CADPS: variants seen among roughly 807,000 people sequenced by gnomAD.
CADPS encodes the protein calcium-dependent secretion activator 1.
Under a neutral mutation model 167.3 loss-of-function variants are expected in CADPS, and 57 were observed. The ratio of observed to expected loss-of-function variants is 0.34; its 90% CI spans 0.28 to 0.42. The LOEUF (loss-of-function observed/expected upper bound fraction) is 0.42. Ranked by LOEUF, CADPS falls within the 20% of genes least tolerant of loss-of-function variation. The pLI, the probability that CADPS is intolerant of heterozygous loss-of-function variation, is 1.00. For missense variants in CADPS, 1,414 were observed against 1,738.1 expected (o/e 0.81, Z 3.32); for synonymous variants, 676 against 635.3 (o/e 1.06, Z -0.96).
rs774402470 is a variant in CADPS at position 62,492,438 on chromosome 3, C to A, written c.2736G>T (p.Ala912=). Residue 912 remains alanine, a synonymous_variant, in exon 20 of 30, where the codon GCG becomes GCT. Transcript: ENST00000383710. ...EPHVDKGEAF[A]WWSDLMVEHA... ...GCTCCACCATTAAATCTGACCACCA[C>A]GCAAAGGCCTTTAAAATTTGGCAGA... 5.0e-6 allele frequency: 8 copies of A among 1,612,690 alleles called. No homozygotes were observed. Among genetic ancestry groups the A allele is most frequent in the Non-Finnish European group, 6.8e-6 (8 of 1,179,236 alleles).
At chr3:62,402,529 A>G (rs1032742115) in intron 29 of CADPS, among the ~76,000 whole-genome samples, 9 of 152,220 alleles carry the variant, frequency 5.9e-5, no homozygotes, top group Non-Finnish European at 1.3e-4. Context: ...AGAACAAGGG[A>G]AAAAGCTACT....
chr3:62,810,139 T>G (rs2152860472), intron 1 of CADPS, among the ~76,000 whole-genome samples: 1 of 152,234 alleles, frequency 6.6e-6, no homozygotes, highest in South Asian at 2.1e-4. Context: ...GAAATGACCT[T>G]CCCTAAGATC....
chr3:62,683,498 A>C (rs1047442253), intron 3 of CADPS, among the ~76,000 whole-genome samples: 2 of 152,206 alleles, frequency 1.3e-5, no homozygotes, highest in Admixed American at 6.5e-5. Flanking sequence ...AAAAGTAGCA[A>C]AGATAGTACA....
chr3:62,524,937 A>C lies in CADPS; in HGVS notation c.2292-6687T>G, dbSNP rs201969544. On this transcript the variant is annotated intron_variant, in intron 13 of 29. Coordinates refer to ENST00000383710, the MANE Select transcript of CADPS (RefSeq NM_003716.4). ...TCTTTATTTCTAGACAAATACAGAC[A>C]ACTAATCTTTAGATTCCTTTCTGAA... Among the ~76,000 whole-genome samples, 17 of 152,320 alleles carry C rather than the reference A, an allele frequency of 1.1e-4. No individual in the cohort carries two copies. The East Asian group carries it at 1.3e-3, about 12-fold the overall frequency.
chr3:62,529,819 C>T (rs952352289), intron 13 of CADPS, among the ~76,000 whole-genome samples: 10 of 152,124 alleles, frequency 6.6e-5, no homozygotes, highest in Non-Finnish European at 8.8e-5. Flanking sequence ...ACAGCATACA[C>T]GCTTGAGAAT....
intron 1 of CADPS, among the ~76,000 whole-genome samples, chr3:62,871,776 A>G (rs1015773718): frequency 2.0e-5 from 3 of 152,206 alleles, no homozygotes; most frequent in African/African-American, 4.8e-5. Flanking sequence ...TAATGTATCA[A>G]TATTAGTTCA....
At chr3:62,645,659 G>T in intron 6 of CADPS, 63 bp downstream of exon 6, 2 of 1,580,566 alleles carry the variant, frequency 1.3e-6, no homozygotes. Context: ...CCTTGGAGTT[G>T]GCCAAAATGG....
chr3:62,706,029 C>A (rs2082243476), intron 3 of CADPS, among the ~76,000 whole-genome samples: 2 of 152,126 alleles, frequency 1.3e-5, no homozygotes, highest in South Asian at 4.1e-4. Context: ...GCTTCTCACC[C>A]ACCCTCAAGT....
chr3:62,470,070 C>T (rs1266968127), intron 24 of CADPS, among the ~76,000 whole-genome samples: 1 of 152,248 alleles, frequency 6.6e-6, no homozygotes, highest in South Asian at 2.1e-4. Context: ...ACACACTAGA[C>T]CAAGTGAGAA....
chr3:62,514,987 T>C lies in CADPS; in HGVS notation c.2581+1072A>G, dbSNP rs910419172. 1.3e-5 allele frequency among the ~76,000 whole-genome samples: 2 copies of C among 152,118 alleles called. No homozygotes were observed. Among genetic ancestry groups the C allele is most frequent in the Non-Finnish European group, 2.9e-5 (2 of 68,002 alleles). ...ATAACAGTGAATTCATTACCACTGG[T>C]ACACAATTTGCATTGTCAGACAGAC... On this transcript the variant is annotated intron_variant, in intron 16 of 29. Transcript: ENST00000383710. The surrounding 1 kb of genome is among the most constrained non-coding windows in gnomAD (Gnocchi z 4.2).
chr3:62,685,854 G>A (rs2077931694), intron 3 of CADPS, among the ~76,000 whole-genome samples: 2 of 152,142 alleles, frequency 1.3e-5, no homozygotes, highest in Non-Finnish European at 2.9e-5. Context: ...TGATCTGACA[G>A]GAGGTGGAGC....
intron 3 of CADPS, among the ~76,000 whole-genome samples, chr3:62,729,815 C>T (rs1427295888): frequency 6.6e-6 from 1 of 151,698 alleles, no homozygotes; most frequent in African/African-American, 2.4e-5. Context: ...TTCTTTGCAT[C>T]TGTGGTGGCC....
At chr3:62,771,506 T>C (rs1019215495) in intron 1 of CADPS, among the ~76,000 whole-genome samples, 1 of 152,164 alleles carries the variant, frequency 6.6e-6, no homozygotes, top group Non-Finnish European at 1.5e-5. Flanking sequence ...AAGGTGACCT[T>C]GCACGAATAA....
chr3:62,463,812 C>G (rs1007619819), intron 26 of CADPS, among the ~76,000 whole-genome samples: 1 of 152,224 alleles, frequency 6.6e-6, no homozygotes, highest in African/African-American at 2.4e-5. Flanking sequence ...TTATCCCCTT[C>G]CCACCTCACC....
chr3:62,733,741 C>T (rs974790893), intron 3 of CADPS, among the ~76,000 whole-genome samples: 9 of 152,010 alleles, frequency 5.9e-5, no homozygotes, highest in Admixed American at 2.6e-4. Flanking sequence ...TTTTTGGTTA[C>T]GTGGATAAGT....
intron 1 of CADPS, among the ~76,000 whole-genome samples, chr3:62,861,508 A>C (rs758157163): frequency 6.6e-6 from 1 of 152,222 alleles, no homozygotes; most frequent in East Asian, 1.9e-4. Flanking sequence ...AGATTTTTGT[A>C]CAAATCTCCC....
intron 11 of CADPS, among the ~76,000 whole-genome samples, chr3:62,546,418 G>A (rs139616656): frequency 3.0e-3 from 449 of 152,178 alleles, no homozygotes; most frequent in Non-Finnish European, 4.5e-3. Flanking sequence ...ACTTGGTCAC[G>A]GTAAGTATGA....
chr3:62,491,245 C>G, intron 21 of CADPS, 94 bp downstream of exon 21: 1 of 1,282,328 alleles, frequency 7.8e-7, no homozygotes. Flanking sequence ...TCCACAATAA[C>G]AGTGAAACCC....
Position 62,613,234 on chromosome 3 carries a change from T to A in CADPS, c.1326-20486A>T, listed in dbSNP as rs146883322. 2.0e-5 allele frequency among the ~76,000 whole-genome samples: 3 copies of A among 152,308 alleles called. No homozygotes were observed. In the East Asian group the frequency reaches 5.8e-4, roughly 29 times the overall value. On this transcript the variant is annotated intron_variant, in intron 6 of 29. Transcript: ENST00000383710. Reference sequence around the variant, plus strand: ...GAAGGAAGCGATCTACTTAAACCCCTGTTCTTCACTTTGTCTCTGGAGCCC... The same window carrying A: ...GAAGGAAGCGATCTACTTAAACCCCAGTTCTTCACTTTGTCTCTGGAGCCC...
Sources: allele counts gnomAD v4.1 joint callset (sites outside exome capture counted in the v4.1 genomes callset), GRCh38; gene constraint gnomAD v4.1.1; non-coding constraint Gnocchi (gnomAD v3.1); transcripts MANE v1.5; gene names NCBI Gene and HGNC (gene_info 2026-07-23, HGNC 2026-07-21).